ANO3: variants seen among roughly 807,000 people sequenced by gnomAD.
ANO3 encodes anoctamin 3, also known as anoctamin-3.
ANO3 carries 99 observed loss-of-function variants against 144.8 expected under a neutral mutation model. The ratio of observed to expected loss-of-function variants is 0.68; its 90% confidence interval spans 0.58 to 0.81. The LOEUF (loss-of-function observed/expected upper bound fraction) is 0.81, where lower values mean the gene tolerates loss of function less well. Among genes scored for constraint, ANO3 ranks in the 30% least tolerant of loss-of-function variants. The pLI, the probability that ANO3 is intolerant of heterozygous loss-of-function variation, is 0.00. For missense variants in ANO3, 905 were observed against 1,202.2 expected (o/e 0.75, Z 3.66); for synonymous variants, 414 against 392.6 (o/e 1.05, Z -0.64).
chr11:26,416,961 G>A (rs894926016), intron 1 of ANO3, among the ~76,000 whole-genome samples: 1 of 152,018 alleles, frequency 6.6e-6, no homozygotes, highest in Admixed American at 6.6e-5. Flanking sequence ...ACTGTTTTCA[G>A]CTTCAACTTC....
At chr11:26,204,474 C>T (rs1456050591) in intron 1 of ANO3, among the ~76,000 whole-genome samples, 2 of 152,102 alleles carry the variant, frequency 1.3e-5, no homozygotes, top group Non-Finnish European at 2.9e-5. Flanking sequence ...GATATCTATG[C>T]TATGGGAACT....
intron 17 of ANO3, among the ~76,000 whole-genome samples, chr11:26,615,975 GTCTT>G (rs1463481461): frequency 6.6e-6 from 1 of 152,036 alleles, no homozygotes; most frequent in African/African-American, 2.4e-5. Flanking sequence ...TTTGTATTTT[GTCTT>G]TCTATCAAAT....
At chr11:26,354,341 T>C (rs1855721985) in intron 1 of ANO3, among the ~76,000 whole-genome samples, 1 of 152,202 alleles carries the variant, frequency 6.6e-6, no homozygotes, top group African/African-American at 2.4e-5. Context: ...AGGAAAACTT[T>C]TGGAGGTGAT....
chr11:26,530,501 CATCT>C (rs766872130), intron 7 of ANO3, among the ~76,000 whole-genome samples: 1 of 17,866 alleles, frequency 5.6e-5, no homozygotes, highest in Admixed American at 1.0e-3. Flanking sequence ...ATCTATCTAT[CATCT>C]ATCTATCTAC....
intron 17 of ANO3, among the ~76,000 whole-genome samples, chr11:26,607,907 T>C (rs1483477345): frequency 3.9e-5 from 6 of 152,254 alleles, no homozygotes; most frequent in Non-Finnish European, 8.8e-5. Context: ...TGGTGTTTGT[T>C]ATTACTCATC....
chr11:26,336,750 A>AC (rs1442421417), intron 1 of ANO3, among the ~76,000 whole-genome samples: 2 of 151,850 alleles, frequency 1.3e-5, no homozygotes, highest in East Asian at 1.9e-4. Context: ...TAAGAAAAAA[A>AC]AACTGGAGCC....
At chr11:26,461,107 C>A (rs373889128) in intron 3 of ANO3, among the ~76,000 whole-genome samples, 259 of 136,780 alleles carry the variant, frequency 1.9e-3, no homozygotes, top group African/African-American at 7.4e-3. Context: ...AGAGAGAGAG[C>A]GAGAGCAAGC....
chr11:26,596,367 C>A (rs563900653), intron 14 of ANO3, among the ~76,000 whole-genome samples: 1 of 152,250 alleles, frequency 6.6e-6, no homozygotes, highest in South Asian at 2.1e-4. Context: ...TATGTGCCTC[C>A]CTTTAATTTA....
intron 6 of ANO3, among the ~76,000 whole-genome samples, chr11:26,522,033 A>C (rs2134161417): frequency 6.6e-6 from 1 of 152,234 alleles, no homozygotes; most frequent in East Asian, 1.9e-4. Flanking sequence ...ATATACAAAA[A>C]ATTAGCCGGG....
In ANO3 at chr11:26,248,845, A is replaced by G. The variant is rs11029426; in HGVS notation, c.154+59515A>G. Among the ~76,000 whole-genome samples, 23 of 152,318 alleles carry G rather than the reference A, an allele frequency of 1.5e-4. No homozygotes were observed. In the East Asian group the frequency reaches 4.2e-3, roughly 28 times the overall value. Reference sequence around the variant, plus strand: ...AGCAGGAGGTGAGCGGCAGATGAGCATGCCTGACCACCTGAGCTCTGCCTC... The same window carrying G: ...AGCAGGAGGTGAGCGGCAGATGAGCGTGCCTGACCACCTGAGCTCTGCCTC... On this transcript the variant is annotated intron_variant, in intron 1 of 27. Coordinates refer to the ANO3 transcript ENST00000672621.
At chr11:26,576,420 AG>A (rs1174514214) in intron 14 of ANO3, among the ~76,000 whole-genome samples, 1 of 152,194 alleles carries the variant, frequency 6.6e-6, no homozygotes, top group Admixed American at 6.5e-5. Context: ...CTTCAGTGTC[AG>A]CATGAATAAA....
intron 14 of ANO3, among the ~76,000 whole-genome samples, chr11:26,583,692 G>A (rs1337430738): frequency 6.6e-6 from 1 of 152,192 alleles, no homozygotes; most frequent in Non-Finnish European, 1.5e-5. Flanking sequence ...AACCTGTTTA[G>A]CAAGGTTTCT....
intron 3 of ANO3, among the ~76,000 whole-genome samples, chr11:26,461,006 T>C (rs1392005111): frequency 6.6e-6 from 1 of 152,030 alleles, no homozygotes; most frequent in Non-Finnish European, 1.5e-5. Flanking sequence ...CACATGCCAT[T>C]TGCCGATTGC....
At chr11:26,216,162 A>G (rs1335154010) in intron 1 of ANO3, among the ~76,000 whole-genome samples, 1 of 152,026 alleles carries the variant, frequency 6.6e-6, no homozygotes, top group Admixed American at 6.6e-5. Flanking sequence ...GACTACTAAA[A>G]TAATTTTTTA....
In ANO3 at chr11:26,525,621, T is replaced by C. The variant is rs374948346; in HGVS notation, c.693-14T>C. On this transcript the variant is annotated splice_polypyrimidine_tract_variant and intron_variant, in intron 6 of 26. Coordinates refer to ENST00000256737, the MANE Select transcript of ANO3 (RefSeq NM_031418.4). ...CCTGTGGCTTTCCTTAGCTGTTTTC[T>C]ATTATTTTTTCAGGAAAAAATGCTA... The C allele has an allele frequency of 4.5e-5, 73 of 1,608,466 alleles. No homozygotes were observed. Among genetic ancestry groups the C allele is most frequent in the Admixed American group, 8.4e-5 (5 of 59,464 alleles).
At chr11:26,365,012 A>G (rs952807888) in intron 1 of ANO3, among the ~76,000 whole-genome samples, 14 of 152,226 alleles carry the variant, frequency 9.2e-5, no homozygotes, top group African/African-American at 3.4e-4. Context: ...TATAAATTCA[A>G]AGGCAGGTTA....
At chr11:26,217,425 G>C (rs981950955) in intron 1 of ANO3, among the ~76,000 whole-genome samples, 1 of 141,214 alleles carries the variant, frequency 7.1e-6, no homozygotes, top group African/African-American at 2.5e-5. Context: ...AACTGGTTGA[G>C]GTAAAAATGG....
Position 26,496,968 on chromosome 11 carries a change from T to TTG in ANO3, c.433-11130_433-11129dup, listed in dbSNP as rs1362085029. ...CACAGATGACTGTAAAGAGAAAATGTTGTGTGTATATATATATATATATAT... is the reference window on the plus strand; with the variant it reads ...CACAGATGACTGTAAAGAGAAAATGTTGTGTGTGTATATATATATATATATAT... On this transcript the variant is annotated intron_variant, in intron 4 of 26. Coordinates refer to ENST00000256737, the MANE Select transcript of ANO3 (RefSeq NM_031418.4). Among the ~76,000 whole-genome samples, 308 of 100,694 alleles carry TTG rather than the reference T, an allele frequency of 3.1e-3. 2 individuals are homozygous for TTG. The South Asian group carries it at 0.041, about 13-fold the overall frequency. 66.1% of individuals were successfully genotyped at this position (100,694 alleles called of 152,430 possible).
intron 3 of ANO3, among the ~76,000 whole-genome samples, chr11:26,458,780 T>C (rs1262691780): frequency 2.6e-5 from 4 of 152,140 alleles, no homozygotes; most frequent in African/African-American, 7.2e-5. Flanking sequence ...ACTGCACTTA[T>C]AGCACTTACA....
Sources: allele counts gnomAD v4.1 joint callset (sites outside exome capture counted in the v4.1 genomes callset), GRCh38; gene constraint gnomAD v4.1.1; transcripts MANE v1.5; gene names NCBI Gene and HGNC (gene_info 2026-07-23, HGNC 2026-07-21).